The following TTC39C variants were observed in gnomAD, a reference collection of about 807,000 sequenced individuals.
The protein encoded by TTC39C is tetratricopeptide repeat domain 39C.
A neutral mutation model predicts 76.3 loss-of-function variants in TTC39C; 33 were observed. That is an observed-to-expected ratio of 0.43 (90% confidence interval 0.33 to 0.58). The LOEUF is 0.58. TTC39C is among the 20% of genes least tolerant of loss of function. TTC39C has a pLI of 0.04. For synonymous variants in TTC39C, 254 were observed against 260.6 expected, an observed-to-expected ratio of 0.97 and a Z score of 0.24; for missense variants, 595 against 701.4, an observed-to-expected ratio of 0.85 and a Z score of 1.71.
chr18:24,043,548 G>T (rs1370902450), intron 1 of TTC39C, among the ~76,000 whole-genome samples: 1 of 152,214 alleles, frequency 6.6e-6, no homozygotes, highest in African/African-American at 2.4e-5. Flanking sequence ...GAGGCCAGAT[G>T]CCCCATGGGA....
chr18:24,047,340 G>A (rs775050397), intron 1 of TTC39C, among the ~76,000 whole-genome samples: 12 of 151,970 alleles, frequency 7.9e-5, no homozygotes, highest in Non-Finnish European at 1.5e-4. Flanking sequence ...TGATCCACCC[G>A]CCTCAGCCTC....
At chr18:24,012,588 G>A (rs1362451192), upstream of TTC39C, among the ~76,000 whole-genome samples, 1 of 152,150 alleles carries the variant, frequency 6.6e-6, no homozygotes, top group African/African-American at 2.4e-5. Context: ...GTGCTTGGCT[G>A]TCTTTCTCAG....
chr18:24,031,675 T>A (rs1035630056), intron 1 of TTC39C, among the ~76,000 whole-genome samples: 1 of 152,194 alleles, frequency 6.6e-6, no homozygotes, highest in Non-Finnish European at 1.5e-5. Flanking sequence ...GGCTGCCTTA[T>A]ATCCTCCCTG....
chr18:23,999,109 T>A (rs1205430176), intron 1 of TTC39C, among the ~76,000 whole-genome samples: 1 of 152,210 alleles, frequency 6.6e-6, no homozygotes, highest in African/African-American at 2.4e-5. Context: ...AGTTTATGTG[T>A]TTGAGCCTCA....
intron 6 of TTC39C, among the ~76,000 whole-genome samples, chr18:24,103,556 A>G (rs1254982106): frequency 6.6e-6 from 1 of 152,244 alleles, no homozygotes; most frequent in Non-Finnish European, 1.5e-5. Flanking sequence ...CTTATAGGGC[A>G]TATATTTCAA....
intron 1 of TTC39C, among the ~76,000 whole-genome samples, chr18:24,047,537 T>C (rs531019710): frequency 6.6e-6 from 1 of 152,308 alleles, no homozygotes; most frequent in African/African-American, 2.4e-5. Context: ...GACTATTGTA[T>C]AGTGTTTCTT....
At chr18:24,086,312 A>G (rs2084438688) in intron 6 of TTC39C, among the ~76,000 whole-genome samples, 1 of 152,222 alleles carries the variant, frequency 6.6e-6, no homozygotes. Flanking sequence ...TAAGCTTGCT[A>G]ACATGCAGGG....
rs922809395 is a variant in TTC39C, at chr18:24,135,497, T to G, written c.*2923T>G. The G allele has an allele frequency of 6.5e-6, 1 of 153,318 alleles. No individual in the cohort carries two copies. The highest frequency in any genetic ancestry group is 2.4e-5 in the African/African-American group (1 of 41,452). The allele number at this position is 153,318 out of a possible 1,614,324, so 9.5% of individuals were successfully genotyped here. A position where few individuals can be genotyped will look rare whatever the true frequency, so the allele number is the denominator to read the frequency against. On this transcript the variant is annotated 3_prime_UTR_variant, in exon 14 of 14. Coordinates refer to ENST00000317571, the MANE Select transcript of TTC39C (RefSeq NM_001135993.2). Reference sequence around the variant, plus strand: ...CATTTTCTGGCCTGCGTGCCGTGACTTATCCAACCTGTGAACTGATTGTGA... The same window carrying G: ...CATTTTCTGGCCTGCGTGCCGTGACGTATCCAACCTGTGAACTGATTGTGA...
Position 24,118,210 on chromosome 18 carries a change from C to A in TTC39C, c.1164C>A (p.Cys388Ter). The A allele has an allele frequency of 6.2e-7, 1 of 1,613,750 alleles. No individual in the cohort carries two copies. The highest frequency in any genetic ancestry group is 8.5e-7 in the Non-Finnish European group (1 of 1,179,866). Reference sequence around the variant, plus strand: ...AAAATGAGTCCAGGTGGTCCCAGTGCTATTATGCCTACTTGACTGCAGGTG... The same window carrying A: ...AAAATGAGTCCAGGTGGTCCCAGTGATATTATGCCTACTTGACTGCAGGTG... Reference protein sequence around the residue: ...RLKNESRWSQCYYAYLTAVCQ... With the variant: ...RLKNESRWSQ Residue 388 changes from cysteine (C) to a stop codon, truncating the protein, a stop_gained, in exon 8 of 14, where the codon TGC becomes TGA. Transcript: ENST00000317571. LOFTEE classifies it high-confidence loss of function.
At chr18:24,110,542 A>G (rs2084796435) in intron 6 of TTC39C, among the ~76,000 whole-genome samples, 1 of 152,250 alleles carries the variant, frequency 6.6e-6, no homozygotes. Context: ...TGTGACATAC[A>G]CAAAATCAAC....
At chr18:24,070,239 ATCTT>A (rs1402034665) in intron 4 of TTC39C, among the ~76,000 whole-genome samples, 2 of 152,058 alleles carry the variant, frequency 1.3e-5, no homozygotes, top group Non-Finnish European at 1.5e-5. Flanking sequence ...CTAAGAATTG[ATCTT>A]TCTTTTAAAA....
chr18:24,056,282 A>T (rs4800538), intron 1 of TTC39C, among the ~76,000 whole-genome samples: 92,048 of 151,944 alleles, frequency 0.61, 28,952 homozygotes, highest in Non-Finnish European at 0.7. Flanking sequence ...GGCTGATTAG[A>T]TTCAGGTGGC....
intron 6 of TTC39C, among the ~76,000 whole-genome samples, chr18:24,104,869 T>C (rs1477647083): frequency 6.6e-6 from 1 of 152,088 alleles, no homozygotes; most frequent in Non-Finnish European, 1.5e-5. Context: ...TCCCTAATTA[T>C]GCAAAATTTA....
intron 1 of TTC39C, among the ~76,000 whole-genome samples, chr18:24,044,539 T>C (rs2083839575): frequency 6.6e-6 from 1 of 152,016 alleles, no homozygotes; most frequent in Non-Finnish European, 1.5e-5. Context: ...AAGCCTGTCA[T>C]GAGAGGTGAG....
chr18:24,069,354 T>G (rs540462285), intron 4 of TTC39C, 83 bp downstream of exon 4: 32 of 1,210,508 alleles, frequency 2.6e-5, no homozygotes, highest in East Asian at 2.4e-5. Flanking sequence ...TGCCTTATAT[T>G]TCAGTCTTTG....
intron 1 of TTC39C, among the ~76,000 whole-genome samples, chr18:23,995,399 G>A (rs926114321): frequency 6.6e-5 from 10 of 152,038 alleles, no homozygotes; most frequent in African/African-American, 1.9e-4. Flanking sequence ...GAATCCAGGA[G>A]GTGGAGGTTG....
chr18:24,105,343 C>G (rs1358836937), intron 6 of TTC39C, among the ~76,000 whole-genome samples: 1 of 152,174 alleles, frequency 6.6e-6, no homozygotes, highest in African/African-American at 2.4e-5. Context: ...GGGAAATTGA[C>G]CCTTTACAAA....
intron 12 of TTC39C, 116 bp from the exon 13 acceptor site, chr18:24,131,766 G>T: frequency 2.7e-6 from 2 of 742,550 alleles, no homozygotes; most frequent in Non-Finnish European, 2.2e-6. Context: ...ATGAACAGTT[G>T]ACTCATTGCT....
intron 6 of TTC39C, chr18:24,113,545 C>T: frequency 4.3e-6 from 3 of 701,480 alleles, no homozygotes; most frequent in South Asian, 3.0e-5. Flanking sequence ...GGGAAGTCCA[C>T]CTCCCTGCAA....
Sources: gnomAD v4.1 joint callset for allele counts (sites outside exome capture counted in the v4.1 genomes callset) on GRCh38, gnomAD v4.1.1 for gene constraint, MANE v1.5 for transcripts, NCBI Gene and HGNC (gene_info 2026-07-23, HGNC 2026-07-21) for gene names.